The following PIWIL3 variants were observed in gnomAD, a reference collection of about 807,000 sequenced individuals.
PIWIL3 encodes piwi like RNA-mediated gene silencing 3.
PIWIL3 carries 101 observed loss-of-function variants against 109.7 expected under a neutral mutation model. The ratio of observed to expected loss-of-function variants is 0.92; its 90% CI spans 0.78 to 1.09. The LOEUF is 1.09. Among genes scored for constraint, PIWIL3 ranks in the 50% least tolerant of loss-of-function variants. PIWIL3 has a pLI of 0.00. For missense variants in PIWIL3, 1,031 were observed against 1,072.6 expected, an observed-to-expected ratio of 0.96 and a Z score of 0.54; for synonymous variants, 373 against 376.4, an observed-to-expected ratio of 0.99 and a Z score of 0.10.
chr22:24,759,723 A>G, intron 3 of PIWIL3, 146 bp downstream of exon 3: 2 of 1,220,058 alleles, frequency 1.6e-6, no homozygotes, highest in South Asian at 1.5e-5. Context: ...TCACTGCACA[A>G]AGAGAGACAG....
rs113170175 is a variant in PIWIL3, at chr22:24,735,947, C to G, written c.1450-55G>C. ...AACTTTATTTTAAAGATCAACTTAT[C>G]TGAGATCCTGTACGCTGTAAATCCG... is the stretch of plus-strand genomic sequence containing the variant. On this transcript the variant is annotated intron_variant, in intron 12 of 20. Transcript: ENST00000616349. 25 of 1,401,472 alleles carry G rather than the reference C, an allele frequency of 1.8e-5. No homozygotes were observed. In the African/African-American group the frequency reaches 3.2e-4, roughly 18 times the overall value. The allele number at this position is 1,401,472 out of a possible 1,614,324, so 86.8% of individuals were successfully genotyped here. A position where few individuals can be genotyped will look rare whatever the true frequency, so the allele number is the denominator to read the frequency against.
chr22:24,719,428 T>TAC lies in PIWIL3; in HGVS notation c.*42_*43dup. ...TCCTGCTTCAAAAGGAAGACAGGCT[T>TAC]ACACGTTGTGGTTTCATTAGCACAT... On this transcript the variant is annotated 3_prime_UTR_variant, in exon 21 of 21. Transcript: ENST00000616349. The TAC allele has an allele frequency of 7.2e-7, 1 of 1,389,370 alleles. No individual in the cohort carries two copies. 86.1% of individuals were successfully genotyped at this position (1,389,370 alleles called of 1,614,324 possible). A position where few individuals can be genotyped will look rare whatever the true frequency, so the allele number is the denominator to read the frequency against.
chr22:24,752,112 GTGA>G (rs1924747139), intron 8 of PIWIL3, among the ~76,000 whole-genome samples: 1 of 151,610 alleles, frequency 6.6e-6, no homozygotes, highest in African/African-American at 2.4e-5. Flanking sequence ...GGTTCATATG[GTGA>G]TGATATAGGA....
At chr22:24,768,374 C>A (rs1925926907) in intron 1 of PIWIL3, among the ~76,000 whole-genome samples, 1 of 152,010 alleles carries the variant, frequency 6.6e-6, no homozygotes. Context: ...CCTGCCTCAG[C>A]CTCCCAAGTA....
intron 14 of PIWIL3, among the ~76,000 whole-genome samples, chr22:24,732,213 C>A (rs1349266514): frequency 6.6e-6 from 1 of 152,208 alleles, no homozygotes; most frequent in Non-Finnish European, 1.5e-5. Context: ...CCTCATGCCA[C>A]ATGGCTTGAT....
intron 14 of PIWIL3, 174 bp from the exon 15 acceptor site, chr22:24,728,548 C>T: frequency 7.3e-6 from 4 of 548,420 alleles, no homozygotes; most frequent in African/African-American, 1.9e-5. Context: ...TTAATTATAA[C>T]ATAATTATAT....
At chr22:24,730,697 AAT>A (rs1923300140) in intron 14 of PIWIL3, among the ~76,000 whole-genome samples, 1 of 152,194 alleles carries the variant, frequency 6.6e-6, no homozygotes, top group South Asian at 2.1e-4. Flanking sequence ...AAAGTTTCCA[AAT>A]ATCTAAAAAA....
chr22:24,733,717 A>C (rs981089713), intron 14 of PIWIL3, among the ~76,000 whole-genome samples: 52 of 152,198 alleles, frequency 3.4e-4, no homozygotes, highest in African/African-American at 1.1e-3. Flanking sequence ...CAACAACAAA[A>C]AAAAACAGGC....
rs1491194426 is a variant in PIWIL3, at chr22:24,719,876, TCA to T, written c.2375_2376del (p.Val792GlufsTer15). 6.2e-7 allele frequency: 1 copy of T among 1,611,050 alleles called. No homozygotes were observed. The highest frequency in any genetic ancestry group is 2.2e-5 in the East Asian group (1 of 44,848). ...ACAGTCCCATCTTGCACAGACTGAC[TCA>T]CAATAAAAAAGTCATACCTGGAAAT... Reference protein sequence around the residue: ...TRNEWYDFFIVSQSVQDGTVT... With the variant: ...TRNEWYDFFIXSQSVQDGTVT... On this transcript the variant is annotated frameshift_variant, in exon 20 of 21. Coordinates refer to ENST00000616349, the MANE Select transcript of PIWIL3 (RefSeq NM_001255975.1). LOFTEE classifies it high-confidence loss of function.
At position 24,744,266 on chromosome 22, in the gene PIWIL3, T is replaced by C. The variant is rs754736691; in HGVS notation, c.1449+4641A>G. Among the ~76,000 whole-genome samples, 28 of 84,192 alleles carry C rather than the reference T, an allele frequency of 3.3e-4. No homozygotes were observed. The East Asian group carries it at 8.2e-3, about 25-fold the overall frequency. 55.2% of individuals were successfully genotyped at this position (84,192 alleles called of 152,430 possible). A position where few individuals can be genotyped will look rare whatever the true frequency, so the allele number is the denominator to read the frequency against. On this transcript the variant is annotated intron_variant, in intron 12 of 20. Transcript: ENST00000616349. ...TATAAAGACTCACATAGACTGAAAA[T>C]AAAGGCATGAAAAAACACAAAAAAG... is the stretch of plus-strand genomic sequence containing the variant.
Position 24,760,708 on chromosome 22 carries a change from A to G in PIWIL3, c.103-719T>C, listed in dbSNP as rs999230199. Among the ~76,000 whole-genome samples, 5 of 145,492 alleles carry G rather than the reference A, an allele frequency of 3.4e-5. No individual in the cohort carries two copies. In the South Asian group the frequency reaches 1.1e-3, roughly 33 times the overall value. The stretch of plus-strand genomic sequence containing the variant: ...GGCAGGAGAATCGCTTGAACCCAGG[A>G]GGCAGAGGTTGCAGTGAGCCAAGAT... On this transcript the variant is annotated intron_variant, in intron 2 of 20. Transcript: ENST00000616349.
chr22:24,760,110 C>T (rs1413995898), intron 2 of PIWIL3, 121 bp from the exon 3 acceptor site: 2 of 1,358,946 alleles, frequency 1.5e-6, no homozygotes, highest in East Asian at 2.3e-5. Flanking sequence ...ATTCCAGTGA[C>T]ATAAACTAAG....
chr22:24,723,039 A>C, intron 19 of PIWIL3, 91 bp downstream of exon 19: 4 of 1,400,288 alleles, frequency 2.9e-6, no homozygotes, highest in Non-Finnish European at 3.9e-6. Context: ...GCAGTGCTTT[A>C]AGGTAAAGTT....
chr22:24,762,565 G>C (rs56274547), intron 1 of PIWIL3, 44 bp from the exon 2 acceptor site: 93,749 of 1,471,862 alleles, frequency 0.064, 3,477 homozygotes, highest in South Asian at 0.11. Flanking sequence ...GAGTTGCCTG[G>C]TGTCTTACTC....
chr22:24,738,129 C>T (rs1383133945), intron 12 of PIWIL3, among the ~76,000 whole-genome samples: 6 of 151,748 alleles, frequency 4.0e-5, no homozygotes, highest in Non-Finnish European at 8.8e-5. Context: ...CCAGCCTAGG[C>T]GACAGAGCAA....
intron 9 of PIWIL3, among the ~76,000 whole-genome samples, chr22:24,750,503 T>TTTTG (rs1924641349): frequency 6.7e-6 from 1 of 149,386 alleles, no homozygotes; most frequent in Non-Finnish European, 1.5e-5. Flanking sequence ...TTTTTTTTTT[T>TTTTG]TTGAGATGGA....
In PIWIL3 at chr22:24,761,524, G is replaced by A. The variant is rs570203353; in HGVS notation, c.102+874C>T. 2.6e-5 allele frequency among the ~76,000 whole-genome samples: 4 copies of A among 152,348 alleles called. No individual in the cohort carries two copies. In the South Asian group the frequency reaches 6.2e-4, roughly 24 times the overall value. On this transcript the variant is annotated intron_variant, in intron 2 of 20. Coordinates refer to ENST00000616349, the MANE Select transcript of PIWIL3 (RefSeq NM_001255975.1). ...AGTGAACTCAGTGAGTCTGTAGACA[G>A]ACGGGAATGATTTAGGAGAACACAC...
intron 1 of PIWIL3, 30 bp from the exon 2 acceptor site, chr22:24,762,551 T>G: frequency 2.5e-4 from 380 of 1,516,662 alleles, no homozygotes; most frequent in Non-Finnish European, 3.1e-4. Flanking sequence ...TAGACATCTC[T>G]GTGGAGTTGC....
intron 1 of PIWIL3, among the ~76,000 whole-genome samples, chr22:24,772,700 G>T (rs1330568349): frequency 7.0e-6 from 1 of 142,618 alleles, no homozygotes; most frequent in Non-Finnish European, 1.6e-5. Context: ...TAGGATCCCA[G>T]GAATTAGAAA....
Sources: gnomAD v4.1 joint callset for allele counts (sites outside exome capture counted in the v4.1 genomes callset) on GRCh38, gnomAD v4.1.1 for gene constraint, MANE v1.5 for transcripts, NCBI Gene and HGNC (gene_info 2026-07-23, HGNC 2026-07-21) for gene names.